Variants in MFAP4 observed in about 807,000 individuals in gnomAD.
MFAP4 encodes microfibril-associated glycoprotein 4.
Under a neutral mutation model 32.4 loss-of-function variants are expected in MFAP4, and 20 were observed. The ratio of observed to expected loss-of-function variants is 0.62; its 90% CI spans 0.43 to 0.90. The LOEUF (loss-of-function observed/expected upper bound fraction) is 0.90. MFAP4 is among the 40% of genes least tolerant of loss of function. MFAP4 has a pLI of 0.00. For synonymous variants in MFAP4, 146 were observed against 137.4 expected (o/e 1.06, Z -0.44); for missense variants, 267 against 329.5 (o/e 0.81, Z 1.47).
intron 1 of MFAP4, 134 bp from the exon 2 acceptor site, chr17:19,386,972 T>TGCCGGGGGCCCCCCCCCCCC: frequency 4.9e-5 from 46 of 936,928 alleles, no homozygotes; most frequent in Non-Finnish European, 7.3e-5. Flanking sequence ...TGGCCCCTCT[T>TGCCGGGGGCCCCCCCCCCCC]CCCTGCCCCC....
intron 1 of MFAP4, 134 bp from the exon 2 acceptor site, chr17:19,386,972 T>TGCCGGGGGGCCCCCCCCC: frequency 2.1e-6 from 2 of 937,006 alleles, no homozygotes; most frequent in Non-Finnish European, 3.4e-6. Context: ...TGGCCCCTCT[T>TGCCGGGGGGCCCCCCCCC]CCCTGCCCCC....
chr17:19,387,122 A>C, intron 1 of MFAP4, 28 bp downstream of exon 1: 1 of 1,611,774 alleles, frequency 6.2e-7, no homozygotes, highest in Non-Finnish European at 8.5e-7. Context: ...CCCCCATGCT[A>C]TGAGTCCCCC....
Position 19,384,730 on chromosome 17 carries a change from TG to T in MFAP4, c.521-22del, listed in dbSNP as rs1204096012. On this transcript the variant is annotated intron_variant, in intron 5 of 5. Transcript: ENST00000299610. ...GTCACCTGGCAGAGGAGAGAAGGGT[TG>T]GGGCTGCTGAGGCAGGGAACTGAGC... 2.5e-6 allele frequency: 4 copies of T among 1,612,424 alleles called. No homozygotes were observed. The African/African-American group carries it at 5.3e-5, about 22-fold the overall frequency.
intron 1 of MFAP4, 152 bp from the exon 2 acceptor site, chr17:19,386,990 G>T: frequency 6.4e-6 from 2 of 314,338 alleles, no homozygotes; most frequent in Non-Finnish European, 1.2e-5. Context: ...CCCCCACCCC[G>T]CCCGCCAAGT....
At chr17:19,385,845 G>A (rs183210617) in intron 3 of MFAP4, among the ~76,000 whole-genome samples, 13 of 152,310 alleles carry the variant, frequency 8.5e-5, no homozygotes, top group South Asian at 2.1e-4. Flanking sequence ...TCAGCTGGGC[G>A]CGGTGGCTCA....
rs770452502 is a variant in MFAP4 at position 19,387,150 on chromosome 17, C to T, written c.6G>A (p.Lys2=). Residue 2 remains lysine, a splice_region_variant and synonymous_variant, in exon 1 of 6, where the codon AAG becomes AAA. Transcript: ENST00000299610. Reference sequence around the variant, plus strand: ...AGTCCCCCGACCCTGGGCCCCGTACCTTCATGCTGTCAGTTCTGCTCAGAG... The same window carrying T: ...AGTCCCCCGACCCTGGGCCCCGTACTTTCATGCTGTCAGTTCTGCTCAGAG... The part of the protein sequence containing the change: M[K]ALLALPLLLL... 4 of 1,608,350 alleles carry T rather than the reference C, an allele frequency of 2.5e-6. No individual in the cohort carries two copies. The highest frequency in any genetic ancestry group is 1.3e-5 in the African/African-American group (1 of 74,708).
At chr17:19,386,860 C>A in intron 1 of MFAP4, 22 bp from the exon 2 acceptor site, 9 of 1,551,486 alleles carry the variant, frequency 5.8e-6, no homozygotes, top group Non-Finnish European at 7.8e-6. Flanking sequence ...CAGACAGGGT[C>A]AGCACAGCCC....
rs1912927275 is a variant in MFAP4 at position 19,383,990 on chromosome 17, G to A, written c.*472C>T. 5.6e-6 allele frequency: 1 copy of A among 178,082 alleles called. No individual in the cohort carries two copies. Among genetic ancestry groups the A allele is most frequent in the African/African-American group, 2.4e-5 (1 of 42,360 alleles). 11.0% of individuals were successfully genotyped at this position (178,082 alleles called of 1,614,324 possible). A position where few individuals can be genotyped will look rare whatever the true frequency, so the allele number is the denominator to read the frequency against. On this transcript the variant is annotated 3_prime_UTR_variant, in exon 6 of 6. Coordinates refer to ENST00000299610, the MANE Select transcript of MFAP4 (RefSeq NM_002404.3). ...GGACATGGTTTGAGAGCAGCCCAGA[G>A]GAGTGCTGGGCTGTGGCCTAGAATA...
rs560171757 is a variant in MFAP4, at chr17:19,384,222, C to T, written c.*240G>A. Reference sequence around the variant, plus strand: ...GTCCAGGCTAGAACCATGTGCCTCTCGGAAGAGGCCTGGGGAACTGCTGGC... The same window carrying T: ...GTCCAGGCTAGAACCATGTGCCTCTTGGAAGAGGCCTGGGGAACTGCTGGC... On this transcript the variant is annotated 3_prime_UTR_variant, in exon 6 of 6. Transcript: ENST00000299610. 146 of 526,400 alleles carry T rather than the reference C, an allele frequency of 2.8e-4. 1 individual carries two copies. Among genetic ancestry groups the T allele is most frequent in the Non-Finnish European group, 6.5e-5 (19 of 291,104 alleles). 32.6% of individuals were successfully genotyped at this position (526,400 alleles called of 1,614,324 possible). A position where few individuals can be genotyped will look rare whatever the true frequency, so the allele number is the denominator to read the frequency against.
Position 19,386,762 on chromosome 17 carries a change from T to C in MFAP4, c.83A>G (p.Asp28Gly). ...CAPQVSGIRGDALERFCLQQP... is the reference protein window; with the variant it reads ...CAPQVSGIRGGALERFCLQQP... ...TCTGTGAGTGTGGGGCTGCTTACCA[T>C]CTCCTCGGATCCCGGAGACCTGGGG... Residue 28 changes from aspartate (D) to glycine (G), a missense_variant and splice_region_variant, in exon 2 of 6, where the codon GAT becomes GGT. Around this residue, in one of 3 missense-constraint regions of MFAP4, gnomAD observed 223 missense variants for 253.3 expected, o/e 0.88. Coordinates refer to ENST00000299610, the MANE Select transcript of MFAP4 (RefSeq NM_002404.3). The C allele has an allele frequency of 6.4e-7, 1 of 1,570,300 alleles. No individual in the cohort carries two copies. Among genetic ancestry groups the C allele is most frequent in the Non-Finnish European group, 8.6e-7 (1 of 1,157,738 alleles).
intron 2 of MFAP4, 67 bp from the exon 3 acceptor site, chr17:19,386,531 CA>C: frequency 6.5e-7 from 1 of 1,543,600 alleles, no homozygotes; most frequent in Non-Finnish European, 8.8e-7. Flanking sequence ...CTCAGCACCC[CA>C]AGGTTTGCCT....
Position 19,383,969 on chromosome 17 carries a change from A to G in MFAP4, c.*493T>C, listed in dbSNP as rs1912926644. On this transcript the variant is annotated 3_prime_UTR_variant, in exon 6 of 6. Transcript: ENST00000299610. ...GTGGGAGGGATGCTGAAGATGGGACATGGTTTGAGAGCAGCCCAGAGGAGT... is the reference window on the plus strand; with the variant it reads ...GTGGGAGGGATGCTGAAGATGGGACGTGGTTTGAGAGCAGCCCAGAGGAGT... 1 of 162,818 alleles carries G rather than the reference A, an allele frequency of 6.1e-6. No individual in the cohort carries two copies. Among genetic ancestry groups the G allele is most frequent in the South Asian group, 1.6e-4 (1 of 6,168 alleles). The allele number at this position is 162,818 out of a possible 1,614,324, so 10.1% of individuals were successfully genotyped here. A position where few individuals can be genotyped will look rare whatever the true frequency, so the allele number is the denominator to read the frequency against.
intron 1 of MFAP4, 129 bp from the exon 2 acceptor site, chr17:19,386,967 C>T (rs755800048): frequency 1.5e-5 from 17 of 1,164,606 alleles, no homozygotes; most frequent in Non-Finnish European, 1.9e-5. Context: ...CTATTTGGCC[C>T]CTCTTCCCTG....
intron 2 of MFAP4, 120 bp from the exon 3 acceptor site, chr17:19,386,584 A>G: frequency 7.6e-7 from 1 of 1,313,618 alleles, no homozygotes; most frequent in Non-Finnish European, 1.1e-6. Context: ...GGAGTCATGG[A>G]AGATTTCTTC....
At chr17:19,386,277 C>G (rs1913027981) in intron 3 of MFAP4, 33 bp downstream of exon 3, 2 of 1,523,384 alleles carry the variant, frequency 1.3e-6, no homozygotes, top group Middle Eastern at 2.2e-4. Context: ...GGATTAGAAC[C>G]AGCTCTGGCC....
intron 1 of MFAP4, 147 bp from the exon 2 acceptor site, chr17:19,386,985 A>ACCCCCCCCCC: frequency 3.2e-6 from 1 of 317,372 alleles, no homozygotes; most frequent in Non-Finnish European, 6.1e-6. Context: ...CTGCCCCCCC[A>ACCCCCCCCCC]CCCCGCCCGC....
intron 1 of MFAP4, 59 bp from the exon 2 acceptor site, chr17:19,386,897 C>T: frequency 6.6e-7 from 1 of 1,518,920 alleles, no homozygotes; most frequent in Non-Finnish European, 8.9e-7. Context: ...ATCCCCTGTT[C>T]TCTTTGCATT....
Position 19,384,659 on chromosome 17 carries a change from C to A in MFAP4, c.571G>T (p.Asp191Tyr). The change falls in exon 6 of 6, where the codon GAC becomes TAC. Residue 191 changes from aspartate (D) to tyrosine (Y), a missense_variant. Around this residue, in one of 3 missense-constraint regions of MFAP4, gnomAD observed 223 missense variants for 253.3 expected, o/e 0.88. Coordinates refer to ENST00000299610, the MANE Select transcript of MFAP4 (RefSeq NM_002404.3). ...CAGTTCTGCACAAAGAGGTCCTGGT[C>A]CCGGTCGAAGGTAGAGAACTTCTGG... ...SGQKFSTFDR[D>Y]QDLFVQNCAA... 2 of 1,614,146 alleles carry A rather than the reference C, an allele frequency of 1.2e-6. No individual in the cohort carries two copies. The highest frequency in any genetic ancestry group is 2.2e-5 in the South Asian group (2 of 91,070).
chr17:19,386,646 G>A (rs1349601619), intron 2 of MFAP4, 114 bp downstream of exon 2: 3 of 1,314,848 alleles, frequency 2.3e-6, no homozygotes, highest in Non-Finnish European at 3.2e-6. Flanking sequence ...TTGTAAAGGA[G>A]GAACCTGAGT....
Sources: allele counts gnomAD v4.1 joint callset (sites outside exome capture counted in the v4.1 genomes callset), GRCh38; gene constraint gnomAD v4.1.1; regional missense constraint gnomAD v4.1.1; transcripts MANE v1.5; gene names NCBI Gene and HGNC (gene_info 2026-07-23, HGNC 2026-07-21).